CDK6: variants seen among roughly 807,000 people sequenced by gnomAD.
CDK6 encodes the protein cyclin-dependent kinase 6.
CDK6 carries 6 observed loss-of-function variants against 37.1 expected under a neutral mutation model. The observed-to-expected ratio is 0.16, with a 90% confidence interval of 0.09 to 0.32. The LOEUF is 0.32. Ranked by LOEUF, CDK6 falls within the 10% of genes least tolerant of loss-of-function variation. The pLI is 1.00. For synonymous variants in CDK6, 160 were observed against 161.3 expected (o/e 0.99, Z 0.06); for missense variants, 224 against 418.9 (o/e 0.53, Z 4.06).
intron 2 of CDK6, among the ~76,000 whole-genome samples, chr7:92,828,599 A>G (rs1372420466): frequency 3.3e-5 from 5 of 152,190 alleles, no homozygotes; most frequent in Non-Finnish European, 5.9e-5. Context: ...AAAAGAAATA[A>G]TTTATTTTTA....
rs142730003 is a variant in CDK6, at chr7:92,774,702, G to C, written c.363C>G (p.Thr121=). The change falls in exon 3 of 8, where the codon ACC becomes ACG. Residue 121 remains threonine, a synonymous_variant. Transcript: ENST00000424848. ...KVPEPGVPTE[T]IKDMMFQLLR... ...TGAAGATGATTCTTGATACCTTTATGGTTTCAGTGGGCACTCCAGGCTCTG... is the reference window on the plus strand; with the variant it reads ...TGAAGATGATTCTTGATACCTTTATCGTTTCAGTGGGCACTCCAGGCTCTG... The C allele has an allele frequency of 5.2e-5, 84 of 1,602,992 alleles. No homozygotes were observed. The East Asian group carries it at 9.5e-4, about 18-fold the overall frequency.
Position 92,630,840 on chromosome 7 carries a change from C to G in CDK6, c.648-7754G>C, listed in dbSNP as rs1024346378. Among the ~76,000 whole-genome samples, 3 of 152,098 alleles carry G rather than the reference C, an allele frequency of 2.0e-5. No homozygotes were observed. The East Asian group carries it at 5.8e-4, about 29-fold the overall frequency. On this transcript the variant is annotated intron_variant, in intron 5 of 7. Coordinates refer to ENST00000424848, the MANE Select transcript of CDK6 (RefSeq NM_001145306.2). ...CAACATGCTGGAAGGTCATTTGGAG[C>G]AAGGGTGATGGTGTGGTGTGGAGAC...
chr7:92,821,858 T>C (rs988550637), intron 2 of CDK6, among the ~76,000 whole-genome samples: 2 of 151,924 alleles, frequency 1.3e-5, no homozygotes, highest in Non-Finnish European at 2.9e-5. Context: ...CAAACAGAAG[T>C]AATGGGACAA....
intron 5 of CDK6, among the ~76,000 whole-genome samples, chr7:92,653,473 T>G (rs908574232): frequency 2.0e-5 from 3 of 152,154 alleles, no homozygotes; most frequent in Admixed American, 1.3e-4. Flanking sequence ...TGCCAAGACA[T>G]AGAAAAGGGA....
chr7:92,704,357 A>T (rs1018239934), intron 4 of CDK6, among the ~76,000 whole-genome samples: 1 of 152,184 alleles, frequency 6.6e-6, no homozygotes, highest in African/African-American at 2.4e-5. Context: ...CAAGAGGTAG[A>T]CATAAGGCTT....
intron 4 of CDK6, among the ~76,000 whole-genome samples, chr7:92,719,903 C>T (rs965205418): frequency 6.6e-6 from 1 of 152,028 alleles, no homozygotes; most frequent in South Asian, 2.1e-4. Flanking sequence ...CTTGGGTGGT[C>T]CTTACAGTAT....
At position 92,605,487 on chromosome 7, in the gene CDK6, TG is replaced by T. The variant is rs1795405069; in HGVS notation, c.*9652del. The T allele has an allele frequency of 4.3e-6, 1 of 232,968 alleles. No individual in the cohort carries two copies. The allele number at this position is 232,968 out of a possible 1,614,324, so 14.4% of individuals were successfully genotyped here. On this transcript the variant is annotated 3_prime_UTR_variant, in exon 8 of 8. Transcript: ENST00000424848. ...AATGATAGGGTACTTAAAGTTTTGG[TG>T]GTCCTTGAATGACATATTTTACGTT...
chr7:92,663,133 G>GCAAT (rs1796874888), intron 5 of CDK6, among the ~76,000 whole-genome samples: 1 of 152,122 alleles, frequency 6.6e-6, no homozygotes, highest in South Asian at 2.1e-4. Flanking sequence ...TAAGAGGGAA[G>GCAAT]CAATGGCTTG....
chr7:92,683,023 ATAGTT>A (rs1401812524), intron 4 of CDK6, among the ~76,000 whole-genome samples: 1 of 152,242 alleles, frequency 6.6e-6, no homozygotes, highest in African/African-American at 2.4e-5. Flanking sequence ...ACAGTATAGT[ATAGTT>A]TTGATTTTGA....
In CDK6 at chr7:92,711,551, AATTTTTTT is replaced by A. The variant is rs1386646021; in HGVS notation, c.537+14067_537+14074del. 1.5e-3 allele frequency among the ~76,000 whole-genome samples: 196 copies of A among 130,574 alleles called. 1 individual carries two copies. Among genetic ancestry groups the A allele is most frequent in the African/African-American group, 5.9e-3 (181 of 30,552 alleles). 85.7% of individuals were successfully genotyped at this position (130,574 alleles called of 152,430 possible). On this transcript the variant is annotated intron_variant, in intron 4 of 7. Coordinates refer to ENST00000424848, the MANE Select transcript of CDK6 (RefSeq NM_001145306.2). ...TTTTTTTACCTACCTGGAATGGTCA[AATTTTTTT>A]TTTTTTTTTTTTTTTTTTTTTTTTA... is the stretch of plus-strand genomic sequence containing the variant.
rs1264871243 is a variant in CDK6, at chr7:92,607,310, G to A, written c.*7830C>T. On this transcript the variant is annotated 3_prime_UTR_variant, in exon 8 of 8. Transcript: ENST00000424848. ...CTGGTCTCTGCCTGGCATCTATTCCGAGGGCCACCTGGCACAGTTTCTAAA... is the reference window on the plus strand; with the variant it reads ...CTGGTCTCTGCCTGGCATCTATTCCAAGGGCCACCTGGCACAGTTTCTAAA... 2 of 233,594 alleles carry A rather than the reference G, an allele frequency of 8.6e-6. No homozygotes were observed. Among genetic ancestry groups the A allele is most frequent in the Non-Finnish European group, 1.7e-5 (2 of 118,042 alleles). 14.5% of individuals were successfully genotyped at this position (233,594 alleles called of 1,614,324 possible).
At chr7:92,713,667 T>TAAAAAAAAAAAAAAAAAAAAAAAAAAAAA (rs535072218) in intron 4 of CDK6, among the ~76,000 whole-genome samples, 2 of 67,218 alleles carry the variant, frequency 3.0e-5, no homozygotes, top group Non-Finnish European at 3.3e-5. Context: ...TTAAAAAAAG[T>TAAAAAAAAAAAAAAAAAAAAAAAAAAAAA]AAAAAAAAAA....
chr7:92,763,481 A>G (rs916209786), intron 3 of CDK6, among the ~76,000 whole-genome samples: 1 of 152,204 alleles, frequency 6.6e-6, no homozygotes, highest in Non-Finnish European at 1.5e-5. Flanking sequence ...CACTTTTTTA[A>G]AGGAAAGATT....
intron 3 of CDK6, among the ~76,000 whole-genome samples, chr7:92,766,077 A>G (rs1846447324): frequency 6.6e-6 from 1 of 152,170 alleles, no homozygotes; most frequent in African/African-American, 2.4e-5. Context: ...GCACTAGATC[A>G]TGTAGGACTT....
At chr7:92,692,263 C>CAAAA (rs112991609) in intron 4 of CDK6, among the ~76,000 whole-genome samples, 4,263 of 138,090 alleles carry the variant, frequency 0.031, 223 homozygotes, top group African/African-American at 0.11. Context: ...AACTCCGTCT[C>CAAAA]AAAAAAGAAA....
In CDK6 at chr7:92,610,012, GAAAAAT is replaced by G. The variant is rs555749294; in HGVS notation, c.*5122_*5127del. 1,004 of 229,736 alleles carry G rather than the reference GAAAAAT, an allele frequency of 4.4e-3. 1 individual carries two copies. Among genetic ancestry groups the G allele is most frequent in the Non-Finnish European group, 6.4e-3 (738 of 115,908 alleles). 14.2% of individuals were successfully genotyped at this position (229,736 alleles called of 1,614,324 possible). A position where few individuals can be genotyped will look rare whatever the true frequency, so the allele number is the denominator to read the frequency against. The stretch of plus-strand genomic sequence containing the variant: ...GCTAGGAAAGAGTTAAATATGCGCA[GAAAAAT>G]AAAGTTAGAATGAAATCTCTTTTAG... On this transcript the variant is annotated 3_prime_UTR_variant, in exon 8 of 8. Transcript: ENST00000424848.
At position 92,835,769 on chromosome 7, in the gene CDK6, G is replaced by A. The variant is rs948142880; in HGVS notation, c.-368+709C>T. ...TGCGCACACGCAGATGCGCCCATAT[G>A]CACACGGACGGGCGCGCTGCGGGGA... On this transcript the variant is annotated intron_variant, in intron 1 of 7. Coordinates refer to ENST00000424848, the MANE Select transcript of CDK6 (RefSeq NM_001145306.2). The surrounding 1 kb of genome is among the most constrained non-coding windows in gnomAD (Gnocchi z 4.2). 6.6e-6 allele frequency among the ~76,000 whole-genome samples: 1 copy of A among 152,360 alleles called. No individual in the cohort carries two copies. Among genetic ancestry groups the A allele is most frequent in the Admixed American group, 6.5e-5 (1 of 15,312 alleles).
intron 5 of CDK6, among the ~76,000 whole-genome samples, chr7:92,661,346 T>C (rs1796830455): frequency 6.6e-6 from 1 of 152,110 alleles, no homozygotes; most frequent in East Asian, 1.9e-4. Context: ...AAGCACCAAA[T>C]ATAGCTGACC....
chr7:92,678,030 T>G (rs932938217), intron 4 of CDK6, among the ~76,000 whole-genome samples: 6 of 152,234 alleles, frequency 3.9e-5, no homozygotes, highest in Non-Finnish European at 8.8e-5. Flanking sequence ...CAGAAGCTTA[T>G]TTTTATTTGA....
Sources: allele counts gnomAD v4.1 joint callset (sites outside exome capture counted in the v4.1 genomes callset), GRCh38; gene constraint gnomAD v4.1.1; non-coding constraint Gnocchi (gnomAD v3.1); transcripts MANE v1.5; gene names NCBI Gene and HGNC (gene_info 2026-07-23, HGNC 2026-07-21).